Variants in ASCC3 observed in about 807,000 individuals in gnomAD.
The protein encoded by ASCC3 is ASC-1 complex subunit P200.
In ASCC3, 158 loss-of-function variants were observed where a neutral mutation model predicts 256.3. The observed-to-expected ratio is 0.62, with a 90% CI of 0.54 to 0.70. ASCC3 has a LOEUF of 0.70. Among genes scored for constraint, ASCC3 ranks in the 30% least tolerant of loss-of-function variants. The pLI is 0.00. For synonymous variants in ASCC3, 948 were observed against 883.4 expected (o/e 1.07, Z -1.30); for missense variants, 2,259 against 2,626.0 (o/e 0.86, Z 3.05).
chr6:100,849,225 T>A (rs1367363028), intron 3 of ASCC3, among the ~76,000 whole-genome samples: 1 of 152,162 alleles, frequency 6.6e-6, no homozygotes, highest in African/African-American at 2.4e-5. Context: ...TCATTATCAG[T>A]AATTATTATG....
At chr6:100,809,074 G>A (rs1770329359) in intron 4 of ASCC3, among the ~76,000 whole-genome samples, 1 of 151,914 alleles carries the variant, frequency 6.6e-6, no homozygotes, top group Non-Finnish European at 1.5e-5. Context: ...AGTTGAGTCA[G>A]TGAGTGAGTA....
chr6:100,528,757 T>C (rs931217735), intron 37 of ASCC3, among the ~76,000 whole-genome samples: 7 of 152,202 alleles, frequency 4.6e-5, no homozygotes, highest in African/African-American at 1.7e-4. Flanking sequence ...ACATAGCTCC[T>C]TAAAGGTCTT....
rs143335604 is a variant in ASCC3, at chr6:100,557,337, T to C, written c.5551-16950A>G. 3.9e-5 allele frequency among the ~76,000 whole-genome samples: 6 copies of C among 152,290 alleles called. No individual in the cohort carries two copies. The East Asian group carries it at 1.2e-3, about 29-fold the overall frequency. On this transcript the variant is annotated intron_variant, in intron 36 of 41. Transcript: ENST00000369162. ...CTGGATCTCATAAGTACTGTTATGT[T>C]GTGCTTTTATTTGAAAGTATTTTCT...
intron 3 of ASCC3, among the ~76,000 whole-genome samples, chr6:100,850,071 G>A (rs1772584741): frequency 7.2e-6 from 1 of 138,946 alleles, no homozygotes; most frequent in South Asian, 2.3e-4. Flanking sequence ...CTGTACTCCA[G>A]CCTGGGTGAC....
At chr6:100,636,924 T>G (rs1400466326) in intron 25 of ASCC3, among the ~76,000 whole-genome samples, 3 of 152,164 alleles carry the variant, frequency 2.0e-5, no homozygotes, top group Admixed American at 6.5e-5. Context: ...TTTAAAGAAT[T>G]CACCTCTATG....
intron 10 of ASCC3, among the ~76,000 whole-genome samples, chr6:100,754,632 G>T (rs186194144): frequency 4.0e-4 from 61 of 152,068 alleles, no homozygotes; most frequent in African/African-American, 1.2e-3. Context: ...AGTAACTATT[G>T]TACTACTCTT....
chr6:100,743,413 C>G (rs1477437331), intron 10 of ASCC3, among the ~76,000 whole-genome samples: 2 of 152,154 alleles, frequency 1.3e-5, no homozygotes, highest in Non-Finnish European at 2.9e-5. Context: ...ATTCTTGACT[C>G]ATAGATTTTT....
intron 34 of ASCC3, among the ~76,000 whole-genome samples, chr6:100,595,992 C>CG (rs1364089345): frequency 6.6e-6 from 1 of 151,964 alleles, no homozygotes; most frequent in Non-Finnish European, 1.5e-5. Flanking sequence ...TCTATGAGGT[C>CG]TGTAAAGATA....
In ASCC3 at chr6:100,799,699, C is replaced by T. The variant is rs145510012; in HGVS notation, c.1128-127G>A. 2.0e-3 allele frequency: 1,952 copies of T among 974,990 alleles called. 15 individuals carry two copies. Among genetic ancestry groups the T allele is most frequent in the Middle Eastern group, 0.018 (77 of 4,180 alleles). 60.4% of individuals were successfully genotyped at this position (974,990 alleles called of 1,614,324 possible). A position where few individuals can be genotyped will look rare whatever the true frequency, so the allele number is the denominator to read the frequency against. ...ACCATAAAAAAGAAATTAAACTACACAAAGGAAGATTTTAGGAATCCTGAA... is the reference window on the plus strand; with the variant it reads ...ACCATAAAAAAGAAATTAAACTACATAAAGGAAGATTTTAGGAATCCTGAA... On this transcript the variant is annotated intron_variant, in intron 6 of 41. Transcript: ENST00000369162.
intron 13 of ASCC3, among the ~76,000 whole-genome samples, chr6:100,682,594 T>C (rs1232692340): frequency 6.6e-6 from 1 of 152,208 alleles, no homozygotes; most frequent in Non-Finnish European, 1.5e-5. Flanking sequence ...CATCCCAAGA[T>C]ATTTATGCAG....
intron 3 of ASCC3, chr6:100,856,354 C>T (rs1772939525): frequency 5.1e-6 from 5 of 970,972 alleles, no homozygotes; most frequent in Non-Finnish European, 6.1e-6. Flanking sequence ...TTACCAGGAC[C>T]TGAGCAGGGT....
intron 36 of ASCC3, among the ~76,000 whole-genome samples, chr6:100,578,049 T>G (rs765087895): frequency 7.9e-5 from 12 of 152,056 alleles, no homozygotes; most frequent in Admixed American, 6.6e-4. Flanking sequence ...CAGTTTCATC[T>G]GCAAACTCAG....
At chr6:100,740,353 T>C (rs1035268809) in intron 10 of ASCC3, among the ~76,000 whole-genome samples, 16 of 152,212 alleles carry the variant, frequency 1.1e-4, no homozygotes, top group African/African-American at 3.9e-4. Flanking sequence ...TACTTCCGAT[T>C]ATGTGATCAA....
At chr6:100,789,312 G>A (rs1197443387) in intron 8 of ASCC3, among the ~76,000 whole-genome samples, 1 of 151,946 alleles carries the variant, frequency 6.6e-6, no homozygotes, top group African/African-American at 2.4e-5. Context: ...AAGAGTAGGG[G>A]AAGGAGTTAG....
At chr6:100,720,283 C>T (rs1425212803) in intron 11 of ASCC3, among the ~76,000 whole-genome samples, 2 of 151,790 alleles carry the variant, frequency 1.3e-5, no homozygotes, top group African/African-American at 4.8e-5. Flanking sequence ...TAAGGAAGAT[C>T]ATCATAAGCG....
intron 3 of ASCC3, among the ~76,000 whole-genome samples, chr6:100,849,485 A>G (rs954136485): frequency 6.6e-6 from 1 of 152,176 alleles, no homozygotes; most frequent in Non-Finnish European, 1.5e-5. Context: ...ATACTTCTAT[A>G]GTTCTCATTC....
At chr6:100,613,160 C>T (rs111955620) in intron 30 of ASCC3, among the ~76,000 whole-genome samples, 5 of 150,176 alleles carry the variant, frequency 3.3e-5, no homozygotes, top group African/African-American at 1.2e-4. Context: ...GTCTAGATTG[C>T]GTAGTGGGCA....
intron 10 of ASCC3, among the ~76,000 whole-genome samples, chr6:100,749,183 A>T (rs1385228085): frequency 6.6e-6 from 1 of 152,048 alleles, no homozygotes; most frequent in Non-Finnish European, 1.5e-5. Flanking sequence ...GCTGTAGGTG[A>T]GTGAACGAAA....
chr6:100,766,122 TTAA>T (rs1781645092), intron 10 of ASCC3, among the ~76,000 whole-genome samples: 1 of 152,296 alleles, frequency 6.6e-6, no homozygotes, highest in South Asian at 2.1e-4. Context: ...AGTGCATGAT[TTAA>T]TAATAATAAC....
Sources: gnomAD v4.1 joint callset for allele counts (sites outside exome capture counted in the v4.1 genomes callset) on GRCh38, gnomAD v4.1.1 for gene constraint, MANE v1.5 for transcripts, NCBI Gene and HGNC (gene_info 2026-07-23, HGNC 2026-07-21) for gene names.